The following CCDC171 variants were observed in gnomAD, a reference collection of about 807,000 sequenced individuals.
CCDC171 encodes the protein coiled-coil domain containing 171.
Under a neutral mutation model 168.2 loss-of-function variants are expected in CCDC171, and 177 were observed. The observed-to-expected ratio is 1.05, with a 90% confidence interval of 0.93 to 1.19. The LOEUF (loss-of-function observed/expected upper bound fraction) is 1.19. Ranked by LOEUF, CCDC171 falls within the 50% of genes most tolerant of loss-of-function variation. The probability of loss-of-function intolerance (pLI) is 0.00; values close to 1 mark genes in which losing one functional copy is unlikely to be tolerated. For synonymous variants in CCDC171, 687 were observed against 540.8 expected (o/e 1.27, Z -3.75); for missense variants, 1,991 against 1,539.0 (o/e 1.29, Z -4.91).
intron 5 of CCDC171, chr9:16,022,613 TA>T (rs1833196525): frequency 6.6e-6 from 1 of 152,248 alleles, no homozygotes; most frequent in African/African-American, 2.4e-5. Flanking sequence ...CCCAAGAATG[TA>T]ATTGCTTTAT....
At position 15,777,600 on chromosome 9, in the gene CCDC171, A is replaced by T. The variant is rs769057143; in HGVS notation, c.2672A>T (p.Asp891Val). 6.3e-7 allele frequency: 1 copy of T among 1,598,216 alleles called. No homozygotes were observed. Among genetic ancestry groups the T allele is most frequent in the Non-Finnish European group, 8.5e-7 (1 of 1,173,452 alleles). ...TGCCTTTTTTTCTTTTTCTTTGAAG[A>T]TCCAAATTCCAGAATTTGTGGACAT... ...AELQDVIGKA[D>V]PNSRICGHLL... Residue 891 changes from aspartate to valine, a missense_variant and splice_region_variant, in exon 19 of 26, where the codon GAT becomes GTT. Physicochemically the swap from Asp to Val is radical, Grantham distance 152 (BLOSUM62 -3). Coordinates refer to ENST00000380701, the MANE Select transcript of CCDC171 (RefSeq NM_173550.4).
At chr9:15,942,788 T>C (rs1397283289) in intron 25 of CCDC171, among the ~76,000 whole-genome samples, 2 of 151,914 alleles carry the variant, frequency 1.3e-5, no homozygotes, top group African/African-American at 2.4e-5. Context: ...ACTGAATTAT[T>C]GTGCTTTCCC....
At chr9:15,594,891 A>G (rs1443759346) in intron 6 of CCDC171, among the ~76,000 whole-genome samples, 2 of 152,212 alleles carry the variant, frequency 1.3e-5, no homozygotes, top group Non-Finnish European at 2.9e-5. Context: ...AAAAAAACCC[A>G]TGAATCAACT....
intron 16 of CCDC171, among the ~76,000 whole-genome samples, chr9:15,741,047 C>A (rs2054845408): frequency 6.6e-6 from 1 of 152,046 alleles, no homozygotes; most frequent in South Asian, 2.1e-4. Flanking sequence ...TTATGGAATT[C>A]TAAATGGGGT....
intron 3 of CCDC171, chr9:16,020,577 C>T (rs891848783): frequency 4.5e-5 from 7 of 154,474 alleles, no homozygotes; most frequent in East Asian, 1.9e-4. Context: ...CTTTACATAT[C>T]CAAATTGCCA....
At chr9:15,623,545 C>T (rs1460962119) in intron 7 of CCDC171, 132 bp downstream of exon 7, 7 of 503,918 alleles carry the variant, frequency 1.4e-5, no homozygotes, top group African/African-American at 1.0e-4. Context: ...GAGAGTTTTA[C>T]TCTGTGATAA....
intron 7 of CCDC171, among the ~76,000 whole-genome samples, chr9:15,650,010 C>T (rs1271504381): frequency 6.6e-6 from 1 of 152,044 alleles, no homozygotes; most frequent in South Asian, 2.1e-4. Context: ...AAATGTCCAA[C>T]CATGATAGAC....
chr9:15,810,174 T>G (rs565916997), intron 21 of CCDC171, among the ~76,000 whole-genome samples: 1 of 152,102 alleles, frequency 6.6e-6, no homozygotes, highest in Admixed American at 6.5e-5. Context: ...AGACACAAAG[T>G]TCTCCAAGTC....
chr9:15,676,153 A>T (rs777966804), intron 9 of CCDC171, among the ~76,000 whole-genome samples: 7 of 151,704 alleles, frequency 4.6e-5, no homozygotes, highest in Non-Finnish European at 1.0e-4. Context: ...CCTTTCTTCC[A>T]CTTGATCGAA....
At chr9:15,568,505 C>T (rs1279426671) in intron 2 of CCDC171, among the ~76,000 whole-genome samples, 2 of 152,130 alleles carry the variant, frequency 1.3e-5, no homozygotes, top group South Asian at 2.1e-4. Flanking sequence ...CTCCTGACCT[C>T]GTGATCCACC....
At chr9:15,916,413 C>T (rs530899738) in intron 24 of CCDC171, among the ~76,000 whole-genome samples, 6 of 14,964 alleles carry the variant, frequency 4.0e-4, no homozygotes, top group East Asian at 0.014. Flanking sequence ...AATATATTTA[C>T]GTAAGATATA....
At chr9:15,714,060 C>T (rs2052893997) in intron 11 of CCDC171, among the ~76,000 whole-genome samples, 2 of 152,118 alleles carry the variant, frequency 1.3e-5, no homozygotes, top group African/African-American at 4.8e-5. Flanking sequence ...TTAATTGCAG[C>T]AGCAATTGGA....
intron 2 of CCDC171, among the ~76,000 whole-genome samples, chr9:15,565,375 G>T (rs1485152761): frequency 6.6e-6 from 1 of 151,978 alleles, no homozygotes; most frequent in Non-Finnish European, 1.5e-5. Flanking sequence ...TCTGAAGTGG[G>T]GTCTTGTTAT....
chr9:15,999,046 A>C (rs1832454656), intron 3 of CCDC171, among the ~76,000 whole-genome samples: 1 of 152,068 alleles, frequency 6.6e-6, no homozygotes, highest in Admixed American at 6.6e-5. Flanking sequence ...CAGCCTGGGC[A>C]GCATACATTT....
intron 7 of CCDC171, among the ~76,000 whole-genome samples, chr9:15,647,099 A>T (rs1211586044): frequency 6.6e-6 from 1 of 152,170 alleles, no homozygotes; most frequent in East Asian, 1.9e-4. Flanking sequence ...TAAGAAACTC[A>T]CTCAAAACCG....
chr9:15,587,714 A>G (rs2041673060), intron 4 of CCDC171: 1 of 454,470 alleles, frequency 2.2e-6, no homozygotes, highest in Non-Finnish European at 4.4e-6. Context: ...TAGTGTATAA[A>G]CTGTATTACA....
chr9:15,862,651 A>T (rs1014909033), intron 23 of CCDC171, among the ~76,000 whole-genome samples: 1 of 151,338 alleles, frequency 6.6e-6, no homozygotes, highest in Non-Finnish European at 1.5e-5. Flanking sequence ...AGAACCTACC[A>T]TCTCTCTCAG....
intron 5 of CCDC171, 150 bp from the exon 6 acceptor site, chr9:15,593,891 A>T (rs1400683769): frequency 3.4e-6 from 2 of 588,524 alleles, no homozygotes; most frequent in Non-Finnish European, 6.0e-6. Flanking sequence ...TCTATTGATC[A>T]AATTATAGTT....
At chr9:15,708,354 C>G (rs755387955) in intron 11 of CCDC171, among the ~76,000 whole-genome samples, 3 of 152,106 alleles carry the variant, frequency 2.0e-5, no homozygotes, top group Non-Finnish European at 4.4e-5. Context: ...ATATATAATA[C>G]GTAGTCAATA....
Sources: allele counts gnomAD v4.1 joint callset (sites outside exome capture counted in the v4.1 genomes callset), GRCh38; gene constraint gnomAD v4.1.1; transcripts MANE v1.5; gene names NCBI Gene and HGNC (gene_info 2026-07-23, HGNC 2026-07-21).